The following SGCZ variants were observed in gnomAD, a reference collection of about 807,000 sequenced individuals.
The protein encoded by SGCZ is zeta-sarcoglycan.
In SGCZ, 40 loss-of-function variants were observed where a neutral mutation model predicts 41.3. The ratio of observed to expected loss-of-function variants is 0.97; its 90% CI spans 0.75 to 1.26. SGCZ has a LOEUF of 1.26. Among genes scored for constraint, SGCZ ranks in the 50% most tolerant of loss-of-function variants. The pLI is 0.00. For synonymous variants in SGCZ, 206 were observed against 137.5 expected (o/e 1.50, Z -3.49); for missense variants, 552 against 369.8 (o/e 1.49, Z -4.04).
At position 14,533,685 on chromosome 8, in the gene SGCZ, G is replaced by C. The variant is rs530564428; in HGVS notation, c.234+21047C>G. Among the ~76,000 whole-genome samples the C allele has an allele frequency of 7.2e-5, 11 of 152,042 alleles. No individual in the cohort carries two copies. The East Asian group carries it at 1.4e-3, about 19-fold the overall frequency. On this transcript the variant is annotated intron_variant, in intron 2 of 7. Transcript: ENST00000382080. ...AAGTGTACTCTTTTATCCATCAACAGAAGGTTTTTCTACTTTTACATTATA... is the reference window on the plus strand; with the variant it reads ...AAGTGTACTCTTTTATCCATCAACACAAGGTTTTTCTACTTTTACATTATA...
intron 1 of SGCZ, among the ~76,000 whole-genome samples, chr8:15,099,208 T>C (rs7832875): frequency 0.11 from 16,127 of 152,196 alleles, 1,324 homozygotes; most frequent in African/African-American, 0.23. Flanking sequence ...GTCTTTGTGA[T>C]TGGCCTTGTG....
At chr8:14,937,157 C>G in intron 1 of SGCZ, among the ~76,000 whole-genome samples, 1 of 151,354 alleles carries the variant, frequency 6.6e-6, no homozygotes, top group East Asian at 1.9e-4. Context: ...CATTGTTCAA[C>G]AGAAAAGAGA....
In SGCZ at chr8:14,172,646, C is replaced by A. The variant is rs150897208; in HGVS notation, c.425-7944G>T. On this transcript the variant is annotated intron_variant, in intron 4 of 7. Coordinates refer to ENST00000382080, the MANE Select transcript of SGCZ (RefSeq NM_139167.4). Reference sequence around the variant, plus strand: ...TGATCTCTGAGGCAAAGAAATACAACGTGTACTCCACATTCATTACATCGT... The same window carrying A: ...TGATCTCTGAGGCAAAGAAATACAAAGTGTACTCCACATTCATTACATCGT... Among the ~76,000 whole-genome samples the A allele has an allele frequency of 3.5e-4, 53 of 152,194 alleles. No homozygotes were observed. The East Asian group carries it at 7.2e-3, about 21-fold the overall frequency.
intron 5 of SGCZ, among the ~76,000 whole-genome samples, chr8:14,133,487 T>A (rs1182323685): frequency 6.6e-6 from 1 of 152,112 alleles, no homozygotes. Flanking sequence ...AAGAGACACA[T>A]ACAATAATTT....
chr8:14,321,390 G>C (rs1801914467), intron 3 of SGCZ, among the ~76,000 whole-genome samples: 1 of 152,064 alleles, frequency 6.6e-6, no homozygotes, highest in East Asian at 1.9e-4. Flanking sequence ...TAGCGATGGA[G>C]AGAGGGTGAG....
chr8:15,066,262 T>C (rs1270933829), intron 1 of SGCZ, among the ~76,000 whole-genome samples: 2 of 149,622 alleles, frequency 1.3e-5, no homozygotes, highest in Middle Eastern at 3.5e-3. Context: ...GAGCCGAGAT[T>C]GCGCCACTGC....
At chr8:14,108,802 A>T (rs943471514) in intron 5 of SGCZ, among the ~76,000 whole-genome samples, 2 of 152,176 alleles carry the variant, frequency 1.3e-5, no homozygotes, top group African/African-American at 2.4e-5. Context: ...AACCAATTTT[A>T]AAATTAAATT....
chr8:14,616,387 C>A (rs1364914303), intron 1 of SGCZ, among the ~76,000 whole-genome samples: 1 of 152,094 alleles, frequency 6.6e-6, no homozygotes, highest in Non-Finnish European at 1.5e-5. Context: ...ATTTTCTCTA[C>A]TTTGGTTCTC....
intron 1 of SGCZ, among the ~76,000 whole-genome samples, chr8:14,576,847 A>C (rs1174855090): frequency 6.6e-6 from 1 of 152,204 alleles, no homozygotes; most frequent in African/African-American, 2.4e-5. Context: ...TGGGTTTATA[A>C]GAGAGAATTG....
At chr8:15,100,737 T>A (rs897917596) in intron 1 of SGCZ, among the ~76,000 whole-genome samples, 1 of 152,146 alleles carries the variant, frequency 6.6e-6, no homozygotes, top group Non-Finnish European at 1.5e-5. Context: ...AATCCTGGCA[T>A]TTTGGGAGGC....
chr8:14,735,977 G>C (rs1422143557), intron 1 of SGCZ, among the ~76,000 whole-genome samples: 1 of 152,000 alleles, frequency 6.6e-6, no homozygotes, highest in East Asian at 1.9e-4. Context: ...AGAAAATTTT[G>C]ATAAGTGTAA....
chr8:14,577,623 G>A (rs1017513297), intron 1 of SGCZ, among the ~76,000 whole-genome samples: 1 of 151,978 alleles, frequency 6.6e-6, no homozygotes, highest in Admixed American at 6.6e-5. Context: ...CCTGACCTCA[G>A]GTGATCTGCC....
intron 2 of SGCZ, among the ~76,000 whole-genome samples, chr8:14,330,495 A>G (rs6530764): frequency 0.92 from 139,557 of 152,112 alleles, 64,238 homozygotes; most frequent in Middle Eastern, 0.96. Context: ...AATTTCTTAT[A>G]AGAGACCGAA....
At chr8:14,376,761 T>C (rs571794939) in intron 2 of SGCZ, among the ~76,000 whole-genome samples, 1 of 152,290 alleles carries the variant, frequency 6.6e-6, no homozygotes, top group African/African-American at 2.4e-5. Context: ...CCTACAAATA[T>C]CATGTCAAAT....
At chr8:14,356,543 G>A (rs1467224315) in intron 2 of SGCZ, among the ~76,000 whole-genome samples, 3 of 152,022 alleles carry the variant, frequency 2.0e-5, no homozygotes, top group African/African-American at 4.8e-5. Flanking sequence ...TTAACAAAAT[G>A]TGTGATATAA....
intron 4 of SGCZ, among the ~76,000 whole-genome samples, chr8:14,206,480 A>G (rs1274590537): frequency 6.6e-6 from 1 of 152,214 alleles, no homozygotes; most frequent in Non-Finnish European, 1.5e-5. Flanking sequence ...ACATTTATAC[A>G]AAGAAAAATC....
At chr8:15,036,172 A>G (rs1187161819) in intron 1 of SGCZ, among the ~76,000 whole-genome samples, 1 of 152,140 alleles carries the variant, frequency 6.6e-6, no homozygotes, top group South Asian at 2.1e-4. Context: ...TACAGAAATA[A>G]AGTAGATCAT....
chr8:14,223,306 A>C (rs547140100), intron 4 of SGCZ, among the ~76,000 whole-genome samples: 2 of 152,256 alleles, frequency 1.3e-5, no homozygotes, highest in African/African-American at 2.4e-5. Context: ...TTTAATGAGA[A>C]TACTTTGGAA....
intron 1 of SGCZ, among the ~76,000 whole-genome samples, chr8:15,051,882 T>C (rs552948918): frequency 3.8e-4 from 58 of 152,154 alleles, no homozygotes; most frequent in African/African-American, 1.4e-3. Flanking sequence ...GGATAGGAAG[T>C]GTAAGAAACT....
Sources: allele counts gnomAD v4.1 joint callset (sites outside exome capture counted in the v4.1 genomes callset), GRCh38; gene constraint gnomAD v4.1.1; transcripts MANE v1.5; gene names NCBI Gene and HGNC (gene_info 2026-07-23, HGNC 2026-07-21).